The following EOLA1 variants were observed in gnomAD, a reference collection of about 807,000 sequenced individuals.
The protein encoded by EOLA1 is protein EOLA1.
Under a neutral mutation model 4.5 loss-of-function variants are expected in EOLA1, and 1 was observed. That is an observed-to-expected ratio of 0.22 (90% CI 0.08 to 1.05). The LOEUF is 1.05. Ranked by LOEUF, EOLA1 falls within the 50% of genes least tolerant of loss-of-function variation. The pLI, the probability that EOLA1 is intolerant of heterozygous loss-of-function variation, is 0.57. For missense variants in EOLA1, 69 were observed against 127.2 expected (o/e 0.54, Z 2.20); for synonymous variants, 37 against 52.3 (o/e 0.71, Z 1.26).
intron 1 of EOLA1, 119 bp from the exon 2 acceptor site, chrX:149,541,900 G>A: frequency 4.9e-6 from 3 of 616,890 alleles, no homozygotes; most frequent in South Asian, 8.3e-5. Flanking sequence ...ATAAGACCAG[G>A]CCTCCCAGCT....
In EOLA1 at chrX:149,547,260, T is replaced by G; in HGVS notation, c.*298T>G. ...GTAAATGTCTCAGCATTGCTGCTAA[T>G]TTTGGTCCTGCTAGTTTCTGGATTG... On this transcript the variant is annotated 3_prime_UTR_variant, in exon 5 of 5. Transcript: ENST00000393985. 1.4e-6 allele frequency: 1 copy of G among 698,201 alleles called. No individual in the cohort carries two copies. The highest frequency in any genetic ancestry group is 1.8e-6 in the Non-Finnish European group (1 of 550,109). 57.5% of individuals were successfully genotyped at this position (698,201 alleles called of 1,213,427 possible).
intron 2 of EOLA1, among the ~76,000 whole-genome samples, chrX:149,543,857 G>A (rs597044): frequency 0.02 from 1,675 of 82,209 alleles, 90 homozygotes; most frequent in African/African-American, 0.033. Context: ...GTCCCAGAAG[G>A]AGGGAAGGAG....
chrX:149,547,337 T>C lies in EOLA1; in HGVS notation c.*375T>C. On this transcript the variant is annotated 3_prime_UTR_variant, in exon 5 of 5. Coordinates refer to ENST00000393985, the MANE Select transcript of EOLA1 (RefSeq NM_001171907.3). The stretch of plus-strand genomic sequence containing the variant: ...GGTTAGTGTTTGAGGCTTTGTTCTA[T>C]GTTTTCCCCTGATTTGTTCTGGTCA... The C allele has an allele frequency of 1.4e-6, 1 of 713,324 alleles. No individual in the cohort carries two copies. Among genetic ancestry groups the C allele is most frequent in the Non-Finnish European group, 1.7e-6 (1 of 588,333 alleles). The allele number at this position is 713,324 out of a possible 1,213,427, so 58.8% of individuals were successfully genotyped here. A position where few individuals can be genotyped will look rare whatever the true frequency, so the allele number is the denominator to read the frequency against.
chrX:149,541,789 G>A, intron 1 of EOLA1: 1 of 755,712 alleles, frequency 1.3e-6, no homozygotes, highest in Non-Finnish European at 1.6e-6. Flanking sequence ...TTTCTGCCCT[G>A]CGGGCTGGTG....
intron 1 of EOLA1, 72 bp downstream of exon 1, chrX:149,541,415 C>T (rs1352247657): frequency 8.8e-6 from 1 of 113,429 alleles, no homozygotes. Flanking sequence ...GGCGCCTTTT[C>T]CTGTCCCCTG....
At chrX:149,541,829 C>G (rs1191475448) in intron 1 of EOLA1, 190 bp from the exon 2 acceptor site, 1 of 742,451 alleles carries the variant, frequency 1.3e-6, no homozygotes, top group Admixed American at 8.6e-5. Flanking sequence ...CAGACAGGTG[C>G]GGAGGGTCCC....
At position 149,548,327 on chromosome X, in the gene EOLA1, C is replaced by G. The variant is rs782759037; in HGVS notation, c.*1365C>G. On this transcript the variant is annotated 3_prime_UTR_variant, in exon 5 of 5. Transcript: ENST00000393985. ...TTTATGGGCCATTAGTGGCCTGTGA[C>G]TTCACGAATTTGCAGTGTTTCTGAA... is the stretch of plus-strand genomic sequence containing the variant. 118 of 929,933 alleles carry G rather than the reference C, an allele frequency of 1.3e-4. 4 individuals carry two copies. Among genetic ancestry groups the G allele is most frequent in the Admixed American group, 3.5e-4 (6 of 17,120 alleles). 76.6% of individuals were successfully genotyped at this position (929,933 alleles called of 1,213,427 possible).
downstream of EOLA1, among the ~76,000 whole-genome samples, chrX:149,549,193 A>G (rs1397041878): frequency 5.4e-5 from 6 of 111,958 alleles, no homozygotes; most frequent in African/African-American, 2.0e-4. Context: ...GTAGTTTAAT[A>G]TCAAAATCCA....
rs373255705 is a variant in EOLA1 at position 149,542,753 on chromosome X, G to A, written c.-163+668G>A. ...GCAGATGTGTTGGGAACAGCAGTTT[G>A]CCAAGATGGCTGAAACAAAGGACCA... On this transcript the variant is annotated intron_variant, in intron 2 of 4. Coordinates refer to ENST00000393985, the MANE Select transcript of EOLA1 (RefSeq NM_001171907.3). 9.0e-3 allele frequency among the ~76,000 whole-genome samples: 988 copies of A among 109,576 alleles called. 7 individuals carry two copies. The highest frequency in any genetic ancestry group is 0.015 in the Non-Finnish European group (776 of 52,760).
rs1460438163 is a variant in EOLA1 at position 149,547,586 on chromosome X, C to T, written c.*624C>T. On this transcript the variant is annotated 3_prime_UTR_variant, in exon 5 of 5. Coordinates refer to ENST00000393985, the MANE Select transcript of EOLA1 (RefSeq NM_001171907.3). ...GTGTGTTACCTGCATCACACAGCTACTTCCTATCCTAGCAATACATCCAAA... is the reference window on the plus strand; with the variant it reads ...GTGTGTTACCTGCATCACACAGCTATTTCCTATCCTAGCAATACATCCAAA... 9.4e-6 allele frequency: 2 copies of T among 212,592 alleles called. No homozygotes were observed. Among genetic ancestry groups the T allele is most frequent in the Non-Finnish European group, 1.3e-5 (2 of 156,190 alleles). The allele number at this position is 212,592 out of a possible 1,213,427, so 17.5% of individuals were successfully genotyped here.
rs1207015811 is a variant in EOLA1 at position 149,547,394 on chromosome X, C to T, written c.*432C>T. 1.3e-5 allele frequency: 10 copies of T among 772,126 alleles called. No individual in the cohort carries two copies. Among genetic ancestry groups the T allele is most frequent in the Admixed American group, 7.4e-5 (1 of 13,509 alleles). The allele number at this position is 772,126 out of a possible 1,213,427, so 63.6% of individuals were successfully genotyped here. On this transcript the variant is annotated 3_prime_UTR_variant, in exon 5 of 5. Transcript: ENST00000393985. The stretch of plus-strand genomic sequence containing the variant: ...ATCAAATGTGTAACTAGCATCCAGG[C>T]GACAATACAGAAAGTCTGGGACCTG...
In EOLA1 at chrX:149,541,271, T is replaced by G. The variant is rs1162969530; in HGVS notation, c.-302T>G. The G allele has an allele frequency of 8.8e-6, 1 of 113,667 alleles. No homozygotes were observed. The highest frequency in any genetic ancestry group is 9.3e-5 in the Admixed American group (1 of 10,735). 9.4% of individuals were successfully genotyped at this position (113,667 alleles called of 1,213,427 possible). A position where few individuals can be genotyped will look rare whatever the true frequency, so the allele number is the denominator to read the frequency against. On this transcript the variant is annotated 5_prime_UTR_variant, in exon 1 of 5. Transcript: ENST00000393985. The stretch of plus-strand genomic sequence containing the variant: ...GCAGGGTCCATGGTTCCGGAGGCCG[T>G]GAGACCTGCCGGGGCTGACAGGTGC...
At chrX:149,554,114 G>GA (rs1323695529), downstream of EOLA1, among the ~76,000 whole-genome samples, 4 of 54,229 alleles carry the variant, frequency 7.4e-5, no homozygotes, top group Admixed American at 4.8e-4. Flanking sequence ...AGGGAGGGGA[G>GA]GGTGCCTTGT....
At chrX:149,541,371 T>C (rs1324162183) in intron 1 of EOLA1, 28 bp downstream of exon 1, 1 of 113,804 alleles carries the variant, frequency 8.8e-6, no homozygotes, top group African/African-American at 3.2e-5. Context: ...TTTCCCTGGA[T>C]GTGGGGCTGG....
chrX:149,548,491 A>C, downstream of EOLA1: 1 of 931,705 alleles, frequency 1.1e-6, no homozygotes. Context: ...TTACACTACC[A>C]TTATCTGAGT....
chrX:149,544,955 G>C, intron 2 of EOLA1: 1 of 749,350 alleles, frequency 1.3e-6, no homozygotes, highest in Non-Finnish European at 1.6e-6. Flanking sequence ...AGGGGCATCT[G>C]CTGACAGTGG....
In EOLA1 at chrX:149,545,411, T is replaced by G; in HGVS notation, c.-119T>G. On this transcript the variant is annotated 5_prime_UTR_variant, in exon 3 of 5. The change abolishes an upstream ATG in the 5' untranslated region. Coordinates refer to ENST00000393985, the MANE Select transcript of EOLA1 (RefSeq NM_001171907.3). Reference sequence around the variant, plus strand: ...GGACCGCCCCAAAGACTCCATGGGATGGACCTGAGTCAGCCGAATCCCAGC... The same window carrying G: ...GGACCGCCCCAAAGACTCCATGGGAGGGACCTGAGTCAGCCGAATCCCAGC... 9.3e-7 allele frequency: 1 copy of G among 1,080,119 alleles called. No homozygotes were observed. Among genetic ancestry groups the G allele is most frequent in the Non-Finnish European group, 1.2e-6 (1 of 835,202 alleles). 89.0% of individuals were successfully genotyped at this position (1,080,119 alleles called of 1,213,427 possible). A position where few individuals can be genotyped will look rare whatever the true frequency, so the allele number is the denominator to read the frequency against.
At chrX:149,545,342 G>A in intron 2 of EOLA1, 26 bp from the exon 3 acceptor site, 1 of 1,032,278 alleles carries the variant, frequency 9.7e-7, no homozygotes, top group Non-Finnish European at 1.2e-6. Flanking sequence ...CTGACCACAT[G>A]GTATCCTGCC....
downstream of EOLA1, chrX:149,549,238 A>G (rs1218516048): frequency 4.7e-6 from 5 of 1,058,356 alleles, no homozygotes; most frequent in African/African-American, 9.7e-5. Context: ...ATCTTTCAAT[A>G]AACAATATTT....
Sources: gnomAD v4.1 joint callset for allele counts (sites outside exome capture counted in the v4.1 genomes callset) on GRCh38, gnomAD v4.1.1 for gene constraint, MANE v1.5 for transcripts, NCBI Gene and HGNC (gene_info 2026-07-23, HGNC 2026-07-21) for gene names.